The following EDIL3 variants were observed in gnomAD, a reference collection of about 807,000 sequenced individuals.
EDIL3 encodes EGF like and discoidin domains 3.
Under a neutral mutation model 67.4 loss-of-function variants are expected in EDIL3, and 37 were observed. The observed-to-expected ratio is 0.55, with a 90% CI of 0.42 to 0.72. The LOEUF is 0.72. Ranked by LOEUF, EDIL3 falls within the 30% of genes least tolerant of loss-of-function variation. EDIL3 has a pLI of 0.00. For missense variants in EDIL3, 527 were observed against 586.3 expected (o/e 0.90, Z 1.04); for synonymous variants, 195 against 196.3 (o/e 0.99, Z 0.05).
chr5:84,286,911 T>C (rs1322497243), intron 1 of EDIL3, among the ~76,000 whole-genome samples: 1 of 152,174 alleles, frequency 6.6e-6, no homozygotes, highest in East Asian at 1.9e-4. Flanking sequence ...TTGTGCCCAG[T>C]CTTTGGGCCA....
At chr5:84,206,223 TTGAG>T (rs1743977116) in intron 3 of EDIL3, among the ~76,000 whole-genome samples, 1 of 152,194 alleles carries the variant, frequency 6.6e-6, no homozygotes, top group Admixed American at 6.5e-5. Flanking sequence ...TTGAGTGGTT[TTGAG>T]TGAGTTTCTT....
chr5:84,353,243 G>C (rs747744644), intron 1 of EDIL3, among the ~76,000 whole-genome samples: 10 of 152,262 alleles, frequency 6.6e-5, no homozygotes, highest in Non-Finnish European at 1.3e-4. Context: ...AATCAAAAGG[G>C]AAGGAAGTTC....
rs62364181 is a variant in EDIL3, at chr5:83,995,146, G to A, written c.1138-31786C>T. ...TAATTCCCGAAAGCAGTATACACAC[G>A]CACACACACATACACACACACACAC... On this transcript the variant is annotated intron_variant, in intron 9 of 10. Coordinates refer to ENST00000296591, the MANE Select transcript of EDIL3 (RefSeq NM_005711.5). 8.8e-3 allele frequency among the ~76,000 whole-genome samples: 783 copies of A among 89,004 alleles called. 10 individuals carry two copies. Among genetic ancestry groups the A allele is most frequent in the African/African-American group, 0.04 (752 of 18,828 alleles). 58.4% of individuals were successfully genotyped at this position (89,004 alleles called of 152,430 possible). A position where few individuals can be genotyped will look rare whatever the true frequency, so the allele number is the denominator to read the frequency against.
At chr5:84,105,842 A>C (rs564043838) in intron 6 of EDIL3, among the ~76,000 whole-genome samples, 7 of 152,166 alleles carry the variant, frequency 4.6e-5, no homozygotes, top group African/African-American at 1.4e-4. Flanking sequence ...GGCCTAGCTC[A>C]AAAGCTATCT....
At chr5:84,090,809 G>C (rs537963332) in intron 6 of EDIL3, among the ~76,000 whole-genome samples, 2 of 151,930 alleles carry the variant, frequency 1.3e-5, no homozygotes, top group East Asian at 1.9e-4. Flanking sequence ...ATAGCTGGGC[G>C]TGGTGGTGCG....
intron 1 of EDIL3, among the ~76,000 whole-genome samples, chr5:84,286,004 T>C (rs1257986854): frequency 1.3e-5 from 2 of 152,166 alleles, no homozygotes; most frequent in Non-Finnish European, 2.9e-5. Flanking sequence ...TCTCAACCTA[T>C]ATAATTCCAT....
intron 10 of EDIL3, among the ~76,000 whole-genome samples, chr5:83,954,283 T>G (rs1378149234): frequency 1.3e-5 from 2 of 151,692 alleles, no homozygotes; most frequent in South Asian, 2.1e-4. Flanking sequence ...ATATTCTAAT[T>G]GATATAGTTT....
rs983416378 is a variant in EDIL3, at chr5:84,161,241, A to G, written c.355+19152T>C. On this transcript the variant is annotated intron_variant, in intron 4 of 10. Transcript: ENST00000296591. The stretch of plus-strand genomic sequence containing the variant: ...CCACATTTTCTTTATCTACTCATTG[A>G]TTGATAGGTGTTAAATAGATAAACT... 3.3e-5 allele frequency among the ~76,000 whole-genome samples: 5 copies of G among 152,080 alleles called. No homozygotes were observed. The East Asian group carries it at 9.7e-4, about 29-fold the overall frequency.
chr5:84,064,003 T>A (rs1173108336), intron 8 of EDIL3, among the ~76,000 whole-genome samples: 1 of 152,152 alleles, frequency 6.6e-6, no homozygotes, highest in Non-Finnish European at 1.5e-5. Context: ...GGGGCCACTG[T>A]AAGATTCACA....
At chr5:83,960,097 A>G (rs1744581319) in intron 10 of EDIL3, among the ~76,000 whole-genome samples, 1 of 151,036 alleles carries the variant, frequency 6.6e-6, no homozygotes, top group African/African-American at 2.4e-5. Context: ...AATAGTAAAT[A>G]ATAAACTTAG....
intron 1 of EDIL3, among the ~76,000 whole-genome samples, chr5:84,285,294 T>C (rs1208801909): frequency 6.6e-6 from 1 of 152,192 alleles, no homozygotes; most frequent in African/African-American, 2.4e-5. Flanking sequence ...CCAACAGAAA[T>C]AGGTGTGTAT....
chr5:84,060,559 G>C, intron 8 of EDIL3, 75 bp from the exon 9 acceptor site: 1 of 1,498,780 alleles, frequency 6.7e-7, no homozygotes, highest in Non-Finnish European at 9.1e-7. Context: ...ATTTTGGATA[G>C]GCAAGAGAAG....
At chr5:84,222,175 A>G (rs1256606564) in intron 3 of EDIL3, among the ~76,000 whole-genome samples, 3 of 151,942 alleles carry the variant, frequency 2.0e-5, no homozygotes, top group Non-Finnish European at 2.9e-5. Flanking sequence ...TTCAAAAGCT[A>G]GAGAAAATAT....
At chr5:84,056,522 C>CA (rs34757635) in intron 9 of EDIL3, among the ~76,000 whole-genome samples, 46,764 of 151,724 alleles carry the variant, frequency 0.31, 7,333 homozygotes, top group African/African-American at 0.36. Flanking sequence ...TACGAATTCC[C>CA]AAAGGACACA....
intron 9 of EDIL3, among the ~76,000 whole-genome samples, chr5:83,991,045 G>T (rs1237857525): frequency 6.6e-6 from 1 of 152,154 alleles, no homozygotes; most frequent in Non-Finnish European, 1.5e-5. Flanking sequence ...GAAGCACACT[G>T]CTGTACAGCA....
intron 2 of EDIL3, 140 bp from the exon 3 acceptor site, chr5:84,230,024 C>A: frequency 1.4e-6 from 1 of 708,684 alleles, no homozygotes; most frequent in Non-Finnish European, 2.2e-6. Context: ...AACTACAAGC[C>A]CCTGACTTGT....
At chr5:84,224,123 T>C (rs1023726005) in intron 3 of EDIL3, among the ~76,000 whole-genome samples, 4 of 151,354 alleles carry the variant, frequency 2.6e-5, no homozygotes, top group Non-Finnish European at 5.9e-5. Flanking sequence ...AACAAAACAA[T>C]AAGTTACGGT....
Position 84,106,766 on chromosome 5 carries a change from A to T in EDIL3, c.534T>A (p.Ser178=), listed in dbSNP as rs540378017. ...IISNQQITAS[S]THRALFGLQK... ...GGAGTCCAAAAAGAGCTCGGTGAGT[A>T]GAGGAAGCTGTGATTTGCTGGTTTG... is the stretch of plus-strand genomic sequence containing the variant. Residue 178 remains serine, a synonymous_variant, in exon 6 of 11, where the codon TCT becomes TCA. Transcript: ENST00000296591. The T allele has an allele frequency of 3.1e-6, 5 of 1,613,470 alleles. No individual in the cohort carries two copies. In the South Asian group the frequency reaches 5.5e-5, roughly 18 times the overall value.
At chr5:83,953,808 T>A (rs541907642) in intron 10 of EDIL3, among the ~76,000 whole-genome samples, 26 of 151,910 alleles carry the variant, frequency 1.7e-4, no homozygotes, top group African/African-American at 5.5e-4. Context: ...GAGAAATGTG[T>A]TGCCTCTGTA....
Sources: allele counts gnomAD v4.1 joint callset (sites outside exome capture counted in the v4.1 genomes callset), GRCh38; gene constraint gnomAD v4.1.1; transcripts MANE v1.5; gene names NCBI Gene and HGNC (gene_info 2026-07-23, HGNC 2026-07-21).